Variants in ERC2 observed in about 807,000 individuals in gnomAD.
ERC2 encodes the protein ERC protein 2.
In ERC2, 42 loss-of-function variants were observed where a neutral mutation model predicts 114.8. The ratio of observed to expected loss-of-function variants is 0.37; its 90% CI spans 0.29 to 0.47. The LOEUF (loss-of-function observed/expected upper bound fraction) is 0.47. ERC2 is among the 20% of genes least tolerant of loss of function. The probability of loss-of-function intolerance (pLI) is 0.99; values close to 1 mark genes in which losing one functional copy is unlikely to be tolerated. For synonymous variants in ERC2, 454 were observed against 425.5 expected (o/e 1.07, Z -0.82); for missense variants, 939 against 1,150.7 (o/e 0.82, Z 2.66).
chr3:56,181,815 G>A (rs1400475775), intron 3 of ERC2, among the ~76,000 whole-genome samples: 6 of 152,176 alleles, frequency 3.9e-5, no homozygotes, highest in Non-Finnish European at 2.9e-5. Context: ...GCCACATCAT[G>A]AGGATATCAA....
At chr3:56,315,664 A>G (rs1044631425) in intron 2 of ERC2, among the ~76,000 whole-genome samples, 3 of 152,082 alleles carry the variant, frequency 2.0e-5, no homozygotes, top group African/African-American at 7.2e-5. Context: ...TACAGTAAAA[A>G]CTATATTTAA....
chr3:56,402,574 C>T (rs920964541), intron 2 of ERC2, among the ~76,000 whole-genome samples: 2 of 152,186 alleles, frequency 1.3e-5, no homozygotes, highest in African/African-American at 4.8e-5. Flanking sequence ...GTGCAACTTA[C>T]AACCCCACTA....
intron 8 of ERC2, among the ~76,000 whole-genome samples, chr3:56,013,964 T>C (rs2073132378): frequency 6.6e-6 from 1 of 152,206 alleles, no homozygotes; most frequent in Non-Finnish European, 1.5e-5. Flanking sequence ...TGTCCTAAGA[T>C]AGAGAACCTT....
intron 17 of ERC2, among the ~76,000 whole-genome samples, chr3:55,596,921 A>G (rs1240364878): frequency 2.6e-5 from 4 of 152,220 alleles, no homozygotes; most frequent in African/African-American, 9.6e-5. Context: ...CAGCTAAAAC[A>G]TTAATAGAGA....
intron 17 of ERC2, among the ~76,000 whole-genome samples, chr3:55,564,836 G>A (rs1488399073): frequency 6.6e-6 from 1 of 152,230 alleles, no homozygotes; most frequent in Non-Finnish European, 1.5e-5. Flanking sequence ...CAGAATCCAT[G>A]TCCTAGGACA....
intron 7 of ERC2, among the ~76,000 whole-genome samples, chr3:56,071,051 T>C (rs1467563196): frequency 2.6e-5 from 4 of 152,156 alleles, no homozygotes; most frequent in African/African-American, 9.7e-5. Context: ...TCATCTACAG[T>C]CCTGTAACTT....
chr3:56,298,753 T>C (rs2055630090), intron 2 of ERC2, among the ~76,000 whole-genome samples: 1 of 152,178 alleles, frequency 6.6e-6, no homozygotes, highest in East Asian at 1.9e-4. Context: ...TCTAGGGTGA[T>C]GAAAATGTTC....
At chr3:56,418,528 C>A (rs944313590) in intron 2 of ERC2, among the ~76,000 whole-genome samples, 1 of 152,152 alleles carries the variant, frequency 6.6e-6, no homozygotes, top group South Asian at 2.1e-4. Context: ...AGTGACCTCT[C>A]CTCTGAGGCT....
At chr3:55,917,505 A>G (rs940076561) in intron 13 of ERC2, among the ~76,000 whole-genome samples, 1 of 152,196 alleles carries the variant, frequency 6.6e-6, no homozygotes, top group East Asian at 1.9e-4. Context: ...GCCATAGGCT[A>G]TATGATTCCA....
intron 17 of ERC2, among the ~76,000 whole-genome samples, chr3:55,634,834 C>T (rs1013839189): frequency 1.3e-5 from 2 of 152,090 alleles, no homozygotes; most frequent in Non-Finnish European, 2.9e-5. Flanking sequence ...GCAACTCTTC[C>T]CTTTCCCATA....
intron 10 of ERC2, among the ~76,000 whole-genome samples, chr3:55,998,042 G>A (rs1400542350): frequency 1.3e-5 from 2 of 150,048 alleles, no homozygotes; most frequent in African/African-American, 4.9e-5. Flanking sequence ...TGGGATTACA[G>A]GCACAAGCCG....
chr3:56,068,738 C>T (rs2076592755), intron 7 of ERC2, among the ~76,000 whole-genome samples: 1 of 152,148 alleles, frequency 6.6e-6, no homozygotes, highest in African/African-American at 2.4e-5. Flanking sequence ...GATTCTGGTA[C>T]ATTATCTCTT....
At chr3:56,380,487 T>G (rs936391092) in intron 2 of ERC2, among the ~76,000 whole-genome samples, 1 of 152,072 alleles carries the variant, frequency 6.6e-6, no homozygotes, top group African/African-American at 2.4e-5. Context: ...AATCACCTTT[T>G]GTGTCTCCTT....
intron 2 of ERC2, among the ~76,000 whole-genome samples, chr3:56,360,390 C>T (rs903843301): frequency 6.6e-6 from 1 of 152,002 alleles, no homozygotes; most frequent in African/African-American, 2.4e-5. Context: ...AGGTGTGGGG[C>T]CCTGTATATA....
At position 55,777,480 on chromosome 3, in the gene ERC2, C is replaced by T. The variant is rs920157417; in HGVS notation, c.2565-42562G>A. 5.9e-5 allele frequency among the ~76,000 whole-genome samples: 9 copies of T among 152,256 alleles called. No homozygotes were observed. The South Asian group carries it at 8.3e-4, about 14-fold the overall frequency. On this transcript the variant is annotated intron_variant, in intron 14 of 17. Transcript: ENST00000288221. Reference sequence around the variant, plus strand: ...GCATACAGGCACCCCTGTGGGCTGGCGGAAGGAGGGAAAAGGGAGGCTTTG... The same window carrying T: ...GCATACAGGCACCCCTGTGGGCTGGTGGAAGGAGGGAAAAGGGAGGCTTTG...
At chr3:55,667,588 T>C (rs774923383) in intron 17 of ERC2, among the ~76,000 whole-genome samples, 19 of 152,222 alleles carry the variant, frequency 1.2e-4, no homozygotes, top group Non-Finnish European at 2.4e-4. Flanking sequence ...GAATCAGCTA[T>C]GGAAGCCCCA....
intron 17 of ERC2, among the ~76,000 whole-genome samples, chr3:55,672,857 C>T (rs937315): frequency 0.93 from 140,907 of 151,916 alleles, 65,399 homozygotes; most frequent in East Asian, 1. Context: ...GGCTTCGGGG[C>T]GTAGGAGTCT....
In ERC2 at chr3:55,512,917, G is replaced by A. The variant is rs146649957; in HGVS notation, c.*40-1641C>T. On this transcript the variant is annotated intron_variant, in intron 17 of 17. Coordinates refer to ENST00000288221, the MANE Select transcript of ERC2 (RefSeq NM_015576.3). ...CAACAAGGAAACCTCAAGTGACACC[G>A]CCAGCATTTAGAAATGCAGATGATC... is the stretch of plus-strand genomic sequence containing the variant. Among the ~76,000 whole-genome samples, 929 of 152,282 alleles carry A rather than the reference G, an allele frequency of 6.1e-3. 9 individuals are homozygous for A. The highest frequency in any genetic ancestry group is 0.021 in the African/African-American group (887 of 41,540).
intron 14 of ERC2, among the ~76,000 whole-genome samples, chr3:55,818,393 G>A (rs1482982907): frequency 1.3e-5 from 2 of 152,124 alleles, no homozygotes; most frequent in African/African-American, 4.8e-5. Context: ...TTTATACCTC[G>A]ATGAATGATA....
Sources: gnomAD v4.1 joint callset for allele counts (sites outside exome capture counted in the v4.1 genomes callset) on GRCh38, gnomAD v4.1.1 for gene constraint, MANE v1.5 for transcripts, NCBI Gene and HGNC (gene_info 2026-07-23, HGNC 2026-07-21) for gene names.